The following C2CD3 variants were observed in gnomAD, a reference collection of about 807,000 sequenced individuals.
C2CD3 encodes C2 domain-containing protein 3.
Under a neutral mutation model 234.0 loss-of-function variants are expected in C2CD3, and 148 were observed. The ratio of observed to expected loss-of-function variants is 0.63; its 90% confidence interval spans 0.55 to 0.72. The LOEUF (loss-of-function observed/expected upper bound fraction) is 0.72. Among genes scored for constraint, C2CD3 ranks in the 30% least tolerant of loss-of-function variants. The pLI, the probability that C2CD3 is intolerant of heterozygous loss-of-function variation, is 0.00. For missense variants in C2CD3, 2,577 were observed against 2,811.5 expected, an observed-to-expected ratio of 0.92 and a Z score of 1.89; for synonymous variants, 1,000 against 1,035.4, an observed-to-expected ratio of 0.97 and a Z score of 0.66.
intron 27 of C2CD3, 81 bp from the exon 28 acceptor site, chr11:74,048,419 A>C: frequency 7.0e-7 from 1 of 1,430,974 alleles, no homozygotes; most frequent in South Asian, 1.3e-5. Context: ...AAGTTTGTAA[A>C]ATTTATTGTG....
intron 31 of C2CD3, 94 bp from the exon 32 acceptor site, chr11:74,028,492 T>A (rs1952396261): frequency 5.4e-6 from 4 of 742,720 alleles, no homozygotes; most frequent in Non-Finnish European, 8.6e-6. Flanking sequence ...CTGCCCCCAC[T>A]CATGTTTTTC....
At chr11:74,134,339 A>G (rs1194875902) in intron 5 of C2CD3, among the ~76,000 whole-genome samples, 1 of 152,162 alleles carries the variant, frequency 6.6e-6, no homozygotes, top group Non-Finnish European at 1.5e-5. Flanking sequence ...TTCTTTTTAA[A>G]AGCTGAGTAC....
chr11:74,042,836 C>T (rs1001077966), intron 28 of C2CD3, among the ~76,000 whole-genome samples: 3 of 151,990 alleles, frequency 2.0e-5, no homozygotes, highest in Non-Finnish European at 2.9e-5. Context: ...ATATATTTGG[C>T]GTCCTTATTA....
intron 24 of C2CD3, among the ~76,000 whole-genome samples, chr11:74,070,092 A>G (rs1170023044): frequency 1.3e-5 from 2 of 152,232 alleles, no homozygotes; most frequent in African/African-American, 4.8e-5. Flanking sequence ...GCTACTTCAA[A>G]TCATTTTACC....
At position 74,116,978 on chromosome 11, in the gene C2CD3, A is replaced by ATATATGTG. The variant is rs1260166999; in HGVS notation, c.1520+1249_1520+1250insCACATATA. On this transcript the variant is annotated intron_variant, in intron 9 of 32. Transcript: ENST00000334126. ...TATGTGTATATACACATATACACGT[A>ATATATGTG]TATATACACATATACGTGTATATGT... Among the ~76,000 whole-genome samples the ATATATGTG allele has an allele frequency of 1.9e-4, 22 of 115,194 alleles. 1 individual carries two copies. Among genetic ancestry groups the ATATATGTG allele is most frequent in the African/African-American group, 7.8e-4 (21 of 27,096 alleles). The allele number at this position is 115,194 out of a possible 152,430, so 75.6% of individuals were successfully genotyped here.
At position 74,059,410 on chromosome 11, in the gene C2CD3, C is replaced by CAAAAAA. The variant is rs57052333; in HGVS notation, c.4952-1872_4952-1867dup. ...TGGGTGACAGAGCGAGACTCTGTCTCAAAAAAAAAAAAAAAAAAAAAAAAA... is the reference window on the plus strand; with the variant it reads ...TGGGTGACAGAGCGAGACTCTGTCTCAAAAAAAAAAAAAAAAAAAAAAAAAAAAAAA... On this transcript the variant is annotated intron_variant, in intron 24 of 32. Coordinates refer to ENST00000334126, the MANE Select transcript of C2CD3 (RefSeq NM_001286577.2). Among the ~76,000 whole-genome samples the CAAAAAA allele has an allele frequency of 6.4e-3, 191 of 29,918 alleles. 11 individuals are homozygous for CAAAAAA. The highest frequency in any genetic ancestry group is 0.011 in the African/African-American group (81 of 7,224). 19.6% of individuals were successfully genotyped at this position (29,918 alleles called of 152,430 possible).
At chr11:74,134,311 C>T (rs1054709081) in intron 5 of C2CD3, among the ~76,000 whole-genome samples, 11 of 152,094 alleles carry the variant, frequency 7.2e-5, no homozygotes, top group Non-Finnish European at 1.0e-4. Context: ...TATCTATGAC[C>T]CTACTTAGTT....
chr11:74,115,639 G>A (rs1468675595), intron 9 of C2CD3, among the ~76,000 whole-genome samples: 2 of 151,968 alleles, frequency 1.3e-5, no homozygotes, highest in Non-Finnish European at 2.9e-5. Flanking sequence ...AAATTCATAT[G>A]GAACCAAAAA....
chr11:74,126,924 C>T (rs537897573), intron 7 of C2CD3, among the ~76,000 whole-genome samples: 5 of 152,164 alleles, frequency 3.3e-5, no homozygotes, highest in Non-Finnish European at 7.4e-5. Flanking sequence ...CCCTAAGGAA[C>T]TATTAATCTA....
chr11:74,131,614 C>T (rs1957684265), intron 7 of C2CD3, among the ~76,000 whole-genome samples: 1 of 150,676 alleles, frequency 6.6e-6, no homozygotes, highest in Non-Finnish European at 1.5e-5. Context: ...TGGAGTCTTA[C>T]TCCTTCTATC....
Position 74,168,357 on chromosome 11 carries a change from G to C in C2CD3, c.312C>G (p.Thr104=), listed in dbSNP as rs1856938850. The C allele has an allele frequency of 6.2e-7, 1 of 1,613,598 alleles. No homozygotes were observed. Among genetic ancestry groups the C allele is most frequent in the Non-Finnish European group, 8.5e-7 (1 of 1,179,610 alleles). ...YAIRCGPKQF[T]SYLTDMAVLV... Reference sequence around the variant, plus strand: ...ACAATAACATACCTGTTAGATAAGAGGTAAACTGTTTTGGACCACAACGAA... The same window carrying C: ...ACAATAACATACCTGTTAGATAAGACGTAAACTGTTTTGGACCACAACGAA... The change falls in exon 2 of 33, where the codon ACC becomes ACG. Residue 104 remains threonine, a synonymous_variant. Transcript: ENST00000334126.
intron 28 of C2CD3, among the ~76,000 whole-genome samples, chr11:74,045,309 C>G (rs979053608): frequency 7.2e-5 from 11 of 152,274 alleles, no homozygotes; most frequent in African/African-American, 2.4e-4. Context: ...GTTTTGCTTA[C>G]AGTAGCATTG....
chr11:74,078,547 T>A lies in C2CD3; in HGVS notation c.4171A>T (p.Asn1391Tyr). 6.2e-7 allele frequency: 1 copy of A among 1,614,102 alleles called. No homozygotes were observed. ...AAEHLGWSFE[N>Y]SLKDFVRMDE... ...ATTCTGACAAAATCTTTCAGGCTGT[T>A]CTCAAAGCTCCAGCCCAAATGCTCA... is the stretch of plus-strand genomic sequence containing the variant. The change falls in exon 23 of 33, where the codon AAC (asparagine) becomes TAC (tyrosine). Residue 1391 changes from asparagine to tyrosine, a missense_variant. Transcript: ENST00000334126.
chr11:74,167,496 A>G (rs1856886498), intron 2 of C2CD3, among the ~76,000 whole-genome samples: 1 of 152,252 alleles, frequency 6.6e-6, no homozygotes, highest in South Asian at 2.1e-4. Context: ...TTTTTGAATG[A>G]CTGAATTACA....
At chr11:74,068,061 G>A (rs973306687) in intron 24 of C2CD3, among the ~76,000 whole-genome samples, 1 of 152,168 alleles carries the variant, frequency 6.6e-6, no homozygotes, top group Non-Finnish European at 1.5e-5. Flanking sequence ...TTTTGGCACT[G>A]TATTCTGAAC....
chr11:74,072,744 C>T (rs1954860819), intron 24 of C2CD3, among the ~76,000 whole-genome samples: 2 of 151,868 alleles, frequency 1.3e-5, no homozygotes, highest in Admixed American at 1.3e-4. Context: ...ATCCCTGGCA[C>T]CAAGGACAGG....
At chr11:74,067,499 T>A (rs558890286) in intron 24 of C2CD3, among the ~76,000 whole-genome samples, 42 of 151,788 alleles carry the variant, frequency 2.8e-4, no homozygotes, top group Admixed American at 5.2e-4. Context: ...AAGAAAAAAA[T>A]TTTTTAAGGC....
At chr11:74,065,354 C>T (rs1217747706) in intron 24 of C2CD3, among the ~76,000 whole-genome samples, 1 of 152,122 alleles carries the variant, frequency 6.6e-6, no homozygotes, top group East Asian at 1.9e-4. Flanking sequence ...AAATCAAAAC[C>T]ACAGTGAGAT....
At chr11:74,134,978 G>A (rs1395034912) in intron 5 of C2CD3, among the ~76,000 whole-genome samples, 1 of 151,810 alleles carries the variant, frequency 6.6e-6, no homozygotes, top group Non-Finnish European at 1.5e-5. Context: ...TCCTGCCCCG[G>A]CCTCCCAAAG....
Sources: gnomAD v4.1 joint callset for allele counts (sites outside exome capture counted in the v4.1 genomes callset) on GRCh38, gnomAD v4.1.1 for gene constraint, MANE v1.5 for transcripts, NCBI Gene and HGNC (gene_info 2026-07-23, HGNC 2026-07-21) for gene names.